Variants in ARIH2 observed in about 807,000 individuals in gnomAD.
ARIH2 encodes the protein ariadne RBR E3 ubiquitin protein ligase 2.
Under a neutral mutation model 79.8 loss-of-function variants are expected in ARIH2, and 12 were observed. That is an observed-to-expected ratio of 0.15 (90% CI 0.10 to 0.24). ARIH2 has a LOEUF of 0.24. ARIH2 is among the 10% of genes least tolerant of loss of function. The pLI, the probability that ARIH2 is intolerant of heterozygous loss-of-function variation, is 1.00. For synonymous variants in ARIH2, 224 were observed against 213.9 expected, an observed-to-expected ratio of 1.05 and a Z score of -0.41; for missense variants, 301 against 618.3, an observed-to-expected ratio of 0.49 and a Z score of 5.44.
At chr3:48,967,038 C>T (rs1005821618) in intron 5 of ARIH2, 87 bp from the exon 6 acceptor site, 2 of 1,424,460 alleles carry the variant, frequency 1.4e-6, no homozygotes, top group African/African-American at 2.8e-5. Flanking sequence ...GTGAGGATCA[C>T]TTTCCATGCA....
intron 3 of ARIH2, among the ~76,000 whole-genome samples, chr3:48,952,536 C>T (rs2090092357): frequency 6.6e-6 from 1 of 152,130 alleles, no homozygotes. Flanking sequence ...ATTAAGATGC[C>T]TTTCCATGTG....
intron 3 of ARIH2, among the ~76,000 whole-genome samples, chr3:48,928,140 G>C (rs2085882922): frequency 6.6e-6 from 1 of 152,178 alleles, no homozygotes; most frequent in African/African-American, 2.4e-5. Context: ...AATTTTATGA[G>C]GTTGATACAA....
chr3:48,938,746 T>G (rs1336659328), intron 3 of ARIH2, among the ~76,000 whole-genome samples: 8 of 151,928 alleles, frequency 5.3e-5, no homozygotes, highest in Non-Finnish European at 1.2e-4. Context: ...GGGTGTTGTC[T>G]GGGGACATCA....
chr3:48,982,775 A>T (rs1015165285), intron 14 of ARIH2, 121 bp from the exon 15 acceptor site: 1 of 719,738 alleles, frequency 1.4e-6, no homozygotes, highest in African/African-American at 1.8e-5. Flanking sequence ...TTCTGAGGAC[A>T]GTATCAGGAT....
At chr3:48,961,540 A>G (rs2091262424) in intron 3 of ARIH2, 72 bp from the exon 4 acceptor site, 2 of 914,836 alleles carry the variant, frequency 2.2e-6, no homozygotes, top group Non-Finnish European at 3.5e-6. Flanking sequence ...GAATGTATAC[A>G]GTTCTCAAAA....
chr3:48,954,436 CAAAAA>C (rs112900221), intron 3 of ARIH2, among the ~76,000 whole-genome samples: 1 of 130,092 alleles, frequency 7.7e-6, no homozygotes, highest in East Asian at 2.2e-4. Context: ...GACTCTGTCT[CAAAAA>C]AAAAAAAAAG....
At position 48,944,678 on chromosome 3, in the gene ARIH2, C is replaced by T. The variant is rs1367671523; in HGVS notation, c.255+16865C>T. Among the ~76,000 whole-genome samples, 4 of 152,206 alleles carry T rather than the reference C, an allele frequency of 2.6e-5. No homozygotes were observed. In the South Asian group the frequency reaches 8.3e-4, roughly 32 times the overall value. ...ACTTAAATTAGATTCAGGGGTGAGCCTGGTTTAGGGTCAGAAGCCCTATGA... is the reference window on the plus strand; with the variant it reads ...ACTTAAATTAGATTCAGGGGTGAGCTTGGTTTAGGGTCAGAAGCCCTATGA... On this transcript the variant is annotated intron_variant, in intron 3 of 15. Transcript: ENST00000356401.
rs535273051 is a variant in ARIH2 at position 48,986,301 on chromosome 3, G to A, written c.*3031G>A. The A allele has an allele frequency of 6.6e-6, 1 of 152,306 alleles. No homozygotes were observed. Among genetic ancestry groups the A allele is most frequent in the African/African-American group, 2.4e-5 (1 of 41,546 alleles). 9.4% of individuals were successfully genotyped at this position (152,306 alleles called of 1,614,324 possible). A position where few individuals can be genotyped will look rare whatever the true frequency, so the allele number is the denominator to read the frequency against. The stretch of plus-strand genomic sequence containing the variant: ...GCTTCCAGGAGCTTCCAATCCATGG[G>A]GAACATAGAAGGAATTGATCACTAG... On this transcript the variant is annotated 3_prime_UTR_variant, in exon 16 of 16. Coordinates refer to ENST00000356401, the MANE Select transcript of ARIH2 (RefSeq NM_006321.4).
intron 9 of ARIH2, 54 bp from the exon 10 acceptor site, chr3:48,974,763 C>T (rs1576517061): frequency 1.2e-6 from 2 of 1,603,028 alleles, no homozygotes; most frequent in East Asian, 2.2e-5. Flanking sequence ...TGTAATTTGT[C>T]TTAAAACCAA....
intron 3 of ARIH2, among the ~76,000 whole-genome samples, chr3:48,940,808 A>AAATACAT (rs759369585): frequency 1.0e-5 from 1 of 98,048 alleles, no homozygotes; most frequent in Non-Finnish European, 1.9e-5. Flanking sequence ...AAAAAAAAAA[A>AAATACAT]ATATATATAT....
At position 48,981,649 on chromosome 3, in the gene ARIH2, TC is replaced by T. The variant is rs759418847; in HGVS notation, c.1258-9del. 23 of 1,610,288 alleles carry T rather than the reference TC, an allele frequency of 1.4e-5. No individual in the cohort carries two copies. The highest frequency in any genetic ancestry group is 1.9e-5 in the Non-Finnish European group (22 of 1,177,170). On this transcript the variant is annotated splice_polypyrimidine_tract_variant and intron_variant, in intron 13 of 15. Coordinates refer to ENST00000356401, the MANE Select transcript of ARIH2 (RefSeq NM_006321.4). Reference sequence around the variant, plus strand: ...ACAGACACAGGTTCCTTCTCTTCTCTCCTGTTGCAGTGTCGATACACCCTGC... The same window carrying T: ...ACAGACACAGGTTCCTTCTCTTCTCTCTGTTGCAGTGTCGATACACCCTGC...
Position 48,985,856 on chromosome 3 carries a change from A to G in ARIH2, c.*2586A>G, listed in dbSNP as rs2092890392. On this transcript the variant is annotated 3_prime_UTR_variant, in exon 16 of 16. Transcript: ENST00000356401. ...GTAGAGTACTGATATAAATGTCCCA[A>G]CCCCCCCATTCTGAGACCTCCGGAC... 6.6e-6 allele frequency: 1 copy of G among 151,402 alleles called. No individual in the cohort carries two copies. The highest frequency in any genetic ancestry group is 1.5e-5 in the Non-Finnish European group (1 of 67,916). The allele number at this position is 151,402 out of a possible 1,614,324, so 9.4% of individuals were successfully genotyped here.
Position 48,979,640 on chromosome 3 carries a change from G to A in ARIH2, c.1113+7G>A. 1 of 1,613,590 alleles carries A rather than the reference G, an allele frequency of 6.2e-7. No homozygotes were observed. Among genetic ancestry groups the A allele is most frequent in the Non-Finnish European group, 8.5e-7 (1 of 1,179,882 alleles). ...CTTATTCTACTTTGAGAGGGTAGGT[G>A]TCCTCTCCTGTACCTTCCCCTACAG... is the stretch of plus-strand genomic sequence containing the variant. On this transcript the variant is annotated splice_region_variant and intron_variant, in intron 12 of 15. Transcript: ENST00000356401.
intron 11 of ARIH2, among the ~76,000 whole-genome samples, chr3:48,975,721 C>T (rs1334077510): frequency 2.0e-5 from 3 of 151,714 alleles, no homozygotes; most frequent in African/African-American, 2.4e-5. Context: ...TCTTCCACCA[C>T]GTCTGGCTAA....
chr3:48,980,321 C>T, intron 12 of ARIH2, 32 bp from the exon 13 acceptor site: 1 of 1,607,714 alleles, frequency 6.2e-7, no homozygotes. Flanking sequence ...CATGGGACTC[C>T]TGTGGTTTTC....
intron 3 of ARIH2, among the ~76,000 whole-genome samples, chr3:48,946,084 G>T (rs9869156): frequency 6.6e-6 from 1 of 152,098 alleles, no homozygotes; most frequent in Non-Finnish European, 1.5e-5. Context: ...TGCTGAGATT[G>T]TAGATTTGCA....
chr3:48,939,072 A>G (rs2087633032), intron 3 of ARIH2, among the ~76,000 whole-genome samples: 1 of 151,916 alleles, frequency 6.6e-6, no homozygotes. Flanking sequence ...GGTTCAAGCA[A>G]TTCTCCTGCC....
intron 7 of ARIH2, among the ~76,000 whole-genome samples, chr3:48,969,945 C>T (rs1269313075): frequency 6.7e-6 from 1 of 149,206 alleles, no homozygotes; most frequent in Non-Finnish European, 1.5e-5. Flanking sequence ...GGCCGGAGTA[C>T]AGGGACACGA....
intron 3 of ARIH2, among the ~76,000 whole-genome samples, chr3:48,947,171 T>C (rs2107326397): frequency 6.6e-6 from 1 of 152,320 alleles, no homozygotes; most frequent in South Asian, 2.1e-4. Context: ...CCAGGCACAG[T>C]GGCTCACGCC....
Sources: gnomAD v4.1 joint callset for allele counts (sites outside exome capture counted in the v4.1 genomes callset) on GRCh38, gnomAD v4.1.1 for gene constraint, MANE v1.5 for transcripts, NCBI Gene and HGNC (gene_info 2026-07-23, HGNC 2026-07-21) for gene names.